ASIC2: variants seen among roughly 807,000 people sequenced by gnomAD.
ASIC2 encodes the protein acid sensing ion channel subunit 2, also known as acid-sensing ion channel 2.
ASIC2 carries 25 observed loss-of-function variants against 57.3 expected under a neutral mutation model. That is an observed-to-expected ratio of 0.44 (90% CI 0.32 to 0.61). The LOEUF is 0.61. ASIC2 is among the 20% of genes least tolerant of loss of function. ASIC2 has a pLI of 0.06. For synonymous variants in ASIC2, 319 were observed against 307.5 expected, an observed-to-expected ratio of 1.04 and a Z score of -0.39; for missense variants, 641 against 738.1, an observed-to-expected ratio of 0.87 and a Z score of 1.52.
At position 34,037,784 on chromosome 17, in the gene ASIC2, C is replaced by T. The variant is rs34076830; in HGVS notation, c.555+118194G>A. On this transcript the variant is annotated intron_variant, in intron 1 of 9. Transcript: ENST00000359872. ...CTCCTTTCGGTAGGCCAAGCATCGTCGAATCAACGCCTTTGCTTCAGGTGT... is the reference window on the plus strand; with the variant it reads ...CTCCTTTCGGTAGGCCAAGCATCGTTGAATCAACGCCTTTGCTTCAGGTGT... The T allele has an allele frequency of 1.5e-3, 2,397 of 1,614,198 alleles. 30 individuals are homozygous for T. The African/African-American group carries it at 0.025, about 17-fold the overall frequency.
At position 33,174,580 on chromosome 17, in the gene ASIC2, G is replaced by A. The variant is rs532382835; in HGVS notation, c.709-62513C>T. On this transcript the variant is annotated intron_variant, in intron 1 of 9. Transcript: ENST00000225823. ...AGCTCACATGCACATCTTAGTGGGG[G>A]CGCGATGGGCTTGCAAACCACAGAT... is the stretch of plus-strand genomic sequence containing the variant. Among the ~76,000 whole-genome samples the A allele has an allele frequency of 9.8e-5, 15 of 152,296 alleles. No individual in the cohort carries two copies. In the South Asian group the frequency reaches 2.5e-3, roughly 25 times the overall value.
intron 1 of ASIC2, among the ~76,000 whole-genome samples, chr17:33,866,642 C>A (rs1187029036): frequency 6.6e-6 from 1 of 152,140 alleles, no homozygotes; most frequent in Admixed American, 6.5e-5. Flanking sequence ...TGACTCTCAT[C>A]TTTCTGGTTG....
At chr17:33,701,025 G>A (rs1405926427) in intron 1 of ASIC2, among the ~76,000 whole-genome samples, 1 of 152,166 alleles carries the variant, frequency 6.6e-6, no homozygotes. Context: ...GTTGCCAGAG[G>A]GAGAAAGGCA....
At chr17:34,111,614 G>A (rs1056398116) in intron 1 of ASIC2, among the ~76,000 whole-genome samples, 3 of 152,136 alleles carry the variant, frequency 2.0e-5, no homozygotes, top group Non-Finnish European at 2.9e-5. Flanking sequence ...TGTTTTTGAT[G>A]AGGAAATTAG....
At position 33,943,224 on chromosome 17, in the gene ASIC2, C is replaced by A. The variant is rs557225828; in HGVS notation, c.555+212754G>T. ...AGGTATTAGTCTATCTGTCTTTGCC[C>A]CTGCAAGGGGGAAAGAGGAGAAGCG... On this transcript the variant is annotated intron_variant, in intron 1 of 9. Coordinates refer to the ASIC2 transcript ENST00000359872. Among the ~76,000 whole-genome samples, 3 of 152,140 alleles carry A rather than the reference C, an allele frequency of 2.0e-5. No individual in the cohort carries two copies. The South Asian group carries it at 6.2e-4, about 32-fold the overall frequency.
chr17:33,854,938 G>A (rs940738204), intron 1 of ASIC2, among the ~76,000 whole-genome samples: 3 of 152,202 alleles, frequency 2.0e-5, no homozygotes, highest in Non-Finnish European at 2.9e-5. Context: ...CTGGTTGCCA[G>A]GCATGAGCAA....
chr17:33,676,920 A>T (rs185461713), intron 1 of ASIC2, among the ~76,000 whole-genome samples: 122 of 152,222 alleles, frequency 8.0e-4, no homozygotes, highest in Non-Finnish European at 1.2e-3. Context: ...TGTCCTCCTG[A>T]TAGTGAGTGA....
intron 1 of ASIC2, among the ~76,000 whole-genome samples, chr17:33,522,399 G>A (rs1002680282): frequency 2.6e-5 from 4 of 152,228 alleles, no homozygotes; most frequent in African/African-American, 9.6e-5. Flanking sequence ...TCCTGCTGTG[G>A]GCTGAGGCCC....
At chr17:34,121,128 T>A (rs1254490940) in intron 1 of ASIC2, among the ~76,000 whole-genome samples, 1 of 152,116 alleles carries the variant, frequency 6.6e-6, no homozygotes, top group Non-Finnish European at 1.5e-5. Context: ...GAGGCATCTA[T>A]AAGCCAAGGA....
intron 1 of ASIC2, among the ~76,000 whole-genome samples, chr17:33,749,252 C>A (rs1024707185): frequency 7.2e-5 from 11 of 152,072 alleles, no homozygotes; most frequent in African/African-American, 2.7e-4. Context: ...TTTCCCCCTA[C>A]CCCAGGGAAA....
chr17:33,348,172 G>A (rs925051667), intron 1 of ASIC2, among the ~76,000 whole-genome samples: 1 of 152,168 alleles, frequency 6.6e-6, no homozygotes, highest in Non-Finnish European at 1.5e-5. Context: ...AAGCATGGAT[G>A]GACCTTCTAC....
intron 1 of ASIC2, among the ~76,000 whole-genome samples, chr17:33,632,002 G>T (rs1326826840): frequency 1.3e-5 from 2 of 152,170 alleles, no homozygotes; most frequent in Non-Finnish European, 2.9e-5. Context: ...GACTACACAG[G>T]TCTTGCAGAA....
rs115933336 is a variant in ASIC2 at position 34,134,648 on chromosome 17, A to G, written c.555+21330T>C. On this transcript the variant is annotated intron_variant, in intron 1 of 9. Coordinates refer to the ASIC2 transcript ENST00000359872. ...AGACATGGAGAAGTTCTAGGTCAAC[A>G]AGTTATGTGATTACTTTCTCAATGC... Among the ~76,000 whole-genome samples the G allele has an allele frequency of 2.0e-3, 312 of 152,284 alleles. 1 individual carries two copies. Among genetic ancestry groups the G allele is most frequent in the African/African-American group, 7.2e-3 (300 of 41,558 alleles).
chr17:33,018,062 C>G (rs1162383667), intron 7 of ASIC2, among the ~76,000 whole-genome samples: 1 of 152,164 alleles, frequency 6.6e-6, no homozygotes, highest in Non-Finnish European at 1.5e-5. Context: ...GACAGGTGCC[C>G]TGGGTGGGAG....
chr17:33,151,310 G>A (rs1018933470), intron 1 of ASIC2, among the ~76,000 whole-genome samples: 3 of 150,870 alleles, frequency 2.0e-5, no homozygotes, highest in African/African-American at 7.3e-5. Flanking sequence ...GGAGGCTGAG[G>A]TTACAGTGAG....
chr17:33,841,399 A>T (rs2141908365), intron 1 of ASIC2, among the ~76,000 whole-genome samples: 1 of 152,344 alleles, frequency 6.6e-6, no homozygotes, highest in South Asian at 2.1e-4. Context: ...TCTAAAAGCC[A>T]GGCTTTAAGC....
chr17:33,782,466 C>T (rs1265217958), intron 1 of ASIC2, among the ~76,000 whole-genome samples: 2 of 150,880 alleles, frequency 1.3e-5, no homozygotes, highest in Non-Finnish European at 1.5e-5. Flanking sequence ...CATGGTGGCT[C>T]ACACCTGTAA....
chr17:33,763,623 T>C (rs991953477), intron 1 of ASIC2, among the ~76,000 whole-genome samples: 1 of 152,148 alleles, frequency 6.6e-6, no homozygotes, highest in African/African-American at 2.4e-5. Context: ...GGAGGTGAGA[T>C]GAGTCACTAC....
chr17:33,086,057 T>A (rs1256612937), intron 3 of ASIC2, among the ~76,000 whole-genome samples: 2 of 152,204 alleles, frequency 1.3e-5, no homozygotes, highest in African/African-American at 4.8e-5. Context: ...CTACTCACCA[T>A]AGGGAGTCCT....
Sources: allele counts gnomAD v4.1 joint callset (sites outside exome capture counted in the v4.1 genomes callset), GRCh38; gene constraint gnomAD v4.1.1; transcripts MANE v1.5; gene names NCBI Gene and HGNC (gene_info 2026-07-23, HGNC 2026-07-21).